Variants in CACNA1A observed in about 807,000 individuals in gnomAD.
CACNA1A encodes voltage-dependent P/Q-type calcium channel subunit alpha-1A.
Under a neutral mutation model 262.4 loss-of-function variants are expected in CACNA1A, and 57 were observed. That is an observed-to-expected ratio of 0.22 (90% confidence interval 0.18 to 0.27). The LOEUF (loss-of-function observed/expected upper bound fraction) is 0.27, where lower values mean the gene tolerates loss of function less well. Ranked by LOEUF, CACNA1A falls within the 10% of genes least tolerant of loss-of-function variation. CACNA1A has a pLI of 1.00. For missense variants in CACNA1A, 2,526 were observed against 3,562.8 expected, an observed-to-expected ratio of 0.71 and a Z score of 7.41; for synonymous variants, 1,431 against 1,419.3, an observed-to-expected ratio of 1.01 and a Z score of -0.18.
At position 13,214,330 on chromosome 19, in the gene CACNA1A, G is replaced by A. The variant is rs748279762; in HGVS notation, c.5843C>T (p.Thr1948Met). Residue 1948 changes from threonine to methionine, a missense_variant, in exon 40 of 47, where the codon ACG (threonine) becomes ATG (methionine). By Grantham distance (81) the Thr-to-Met change is moderately conservative. Coordinates refer to ENST00000360228, the MANE Select transcript of CACNA1A (RefSeq NM_001127222.2). This position sits in a 1 kb window ranked among gnomAD's most constrained non-coding sequence, Gnocchi z 4.1. ...LDLLVTPHKS[T>M]DLTVGKIYAA... ...GTAGATCTTCCCCACGGTGAGGTCC[G>A]TGGCTGGGGGCACACACACGGTGAG... 6.2e-6 allele frequency: 10 copies of A among 1,612,382 alleles called. No homozygotes were observed. Among genetic ancestry groups the A allele is most frequent in the East Asian group, 2.2e-5 (1 of 44,874 alleles).
At chr19:13,471,497 G>A (rs17777900) in intron 1 of CACNA1A, among the ~76,000 whole-genome samples, 7,598 of 152,142 alleles carry the variant, frequency 0.05, 330 homozygotes, top group East Asian at 0.2. Context: ...TTCTACTTCC[G>A]AAATTAGACT....
chr19:13,214,407 C>T lies in CACNA1A; in HGVS notation c.5840-74G>A. 1 of 1,545,946 alleles carries T rather than the reference C, an allele frequency of 6.5e-7. No individual in the cohort carries two copies. Among genetic ancestry groups the T allele is most frequent in the Middle Eastern group, 1.7e-4 (1 of 5,950 alleles). On this transcript the variant is annotated intron_variant, in intron 39 of 46. Transcript: ENST00000360228. This position sits in a 1 kb window ranked among gnomAD's most constrained non-coding sequence, Gnocchi z 4.1. ...CCCTTGTCCTGGGTCCCTGTGTATA[C>T]CAGCCCAGGCCAACACTCTCCCCAG...
chr19:13,407,615 A>T (rs1010864516), intron 3 of CACNA1A, among the ~76,000 whole-genome samples: 11 of 152,204 alleles, frequency 7.2e-5, no homozygotes, highest in Admixed American at 5.2e-4. Context: ...TGGGTGTACC[A>T]TAGTTTATCC....
chr19:13,207,890 TGC>T lies in CACNA1A; in HGVS notation c.6942_6943del (p.Gln2315AlafsTer187). 1 of 1,405,106 alleles carries T rather than the reference TGC, an allele frequency of 7.1e-7. No homozygotes were observed. The highest frequency in any genetic ancestry group is 9.4e-7 in the Non-Finnish European group (1 of 1,068,470). 87.0% of individuals were successfully genotyped at this position (1,405,106 alleles called of 1,614,324 possible). ...CTGCTGCTGCTGCTGCTGCTGCTGCTGCTGCTGCGGGGGCCCCGAGCCGCCGG... is the reference window on the plus strand; with the variant it reads ...CTGCTGCTGCTGCTGCTGCTGCTGCTTGCTGCGGGGGCCCCGAGCCGCCGG... On this transcript the variant is annotated frameshift_variant, in exon 47 of 47. Coordinates refer to ENST00000360228, the MANE Select transcript of CACNA1A (RefSeq NM_001127222.2). LOFTEE classifies it low-confidence loss of function (END_TRUNC). This position sits in a 1 kb window ranked among gnomAD's most constrained non-coding sequence, Gnocchi z 5.7.
Position 13,227,541 on chromosome 19 carries a change from A to AAAT in CACNA1A, c.5529-17_5529-15dup, listed in dbSNP as rs2055502333. 1.3e-6 allele frequency: 2 copies of AAAT among 1,520,376 alleles called. No homozygotes were observed. The highest frequency in any genetic ancestry group is 3.9e-5 in the Admixed American group (2 of 51,338). The allele number at this position is 1,520,376 out of a possible 1,614,324, so 94.2% of individuals were successfully genotyped here. ...GGCATGCGGCCCCTGGCAGCACCGA[A>AAAT]AATGAAAAAAACAAAAACAAAAACA... On this transcript the variant is annotated splice_polypyrimidine_tract_variant and intron_variant, in intron 36 of 46. Coordinates refer to ENST00000360228, the MANE Select transcript of CACNA1A (RefSeq NM_001127222.2).
chr19:13,288,431 G>A lies in CACNA1A; in HGVS notation c.3090-1465C>T, dbSNP rs1038766001. On this transcript the variant is annotated intron_variant, in intron 19 of 46. Transcript: ENST00000360228. ...GTTTTTCTATTTTCAGTAGAGACAG[G>A]GCTTCGCCATGTTGCCCAGGCTGCT... Among the ~76,000 whole-genome samples, 3 of 151,940 alleles carry A rather than the reference G, an allele frequency of 2.0e-5. No homozygotes were observed. In the South Asian group the frequency reaches 6.3e-4, roughly 32 times the overall value.
intron 3 of CACNA1A, among the ~76,000 whole-genome samples, chr19:13,430,107 G>A (rs1297580625): frequency 1.3e-5 from 2 of 151,696 alleles, no homozygotes; most frequent in Admixed American, 6.6e-5. Flanking sequence ...GATGGATGGC[G>A]GTCCTGGTTG....
intron 17 of CACNA1A, among the ~76,000 whole-genome samples, chr19:13,301,604 C>T (rs924144618): frequency 8.5e-5 from 13 of 152,178 alleles, no homozygotes; most frequent in African/African-American, 2.9e-4. Context: ...CAGAAAAAGA[C>T]GTTTTTGGAC....
At position 13,253,205 on chromosome 19, in the gene CACNA1A, A is replaced by G. The variant is rs1365755866; in HGVS notation, c.4756-104T>C. 1.0e-5 allele frequency: 7 copies of G among 671,360 alleles called. 1 individual carries two copies. In the South Asian group the frequency reaches 1.3e-4, roughly 13 times the overall value. The allele number at this position is 671,360 out of a possible 1,614,324, so 41.6% of individuals were successfully genotyped here. On this transcript the variant is annotated intron_variant, in intron 29 of 46. Transcript: ENST00000360228. ...GTTCTCCAGGCAACACTCCAGCCCC[A>G]GGCAAGGTCTGAGCAACCTCACTGG...
intron 3 of CACNA1A, among the ~76,000 whole-genome samples, chr19:13,376,125 C>A (rs1167912895): frequency 8.5e-5 from 13 of 152,144 alleles, no homozygotes; most frequent in Non-Finnish European, 1.9e-4. Context: ...TATAAAAGTG[C>A]AAGGTGAAGT....
In CACNA1A at chr19:13,208,794, A is replaced by AGCGGGACCAGCGCTGGTCCC; in HGVS notation, c.6722_6741dup (p.Ser2248GlyfsTer25). 1 of 1,536,622 alleles carries AGCGGGACCAGCGCTGGTCCC rather than the reference A, an allele frequency of 6.5e-7. No homozygotes were observed. The highest frequency in any genetic ancestry group is 2.5e-5 in the East Asian group (1 of 40,738). ...ATGTGCTCTCGGCCCTCGCTGGGCG[A>AGCGGGACCAGCGCTGGTCCC]GCGGGACCAGCGCTGGTCCCGAGCC... On this transcript the variant is annotated frameshift_variant, in exon 46 of 47. Transcript: ENST00000360228. LOFTEE classifies it low-confidence loss of function (END_TRUNC).
In CACNA1A at chr19:13,497,516, AAAAAAATATATATATATATATATATATAT is replaced by A. The variant is rs1981760743; in HGVS notation, c.293+8387_293+8415del. 5.2e-4 allele frequency among the ~76,000 whole-genome samples: 16 copies of A among 30,526 alleles called. 3 individuals carry two copies. The highest frequency in any genetic ancestry group is 2.2e-3 in the African/African-American group (16 of 7,290). 20.0% of individuals were successfully genotyped at this position (30,526 alleles called of 152,430 possible). A position where few individuals can be genotyped will look rare whatever the true frequency, so the allele number is the denominator to read the frequency against. On this transcript the variant is annotated intron_variant, in intron 1 of 46. Transcript: ENST00000360228. Reference sequence around the variant, plus strand: ...AAAAAAAAAAAAAAAAAAAAAAAAAAAAAAAATATATATATATATATATATATATATATATATATATATATATATATATA... The same window carrying A: ...AAAAAAAAAAAAAAAAAAAAAAAAAAATATATATATATATATATATATATA...
At position 13,321,670 on chromosome 19, in the gene CACNA1A, A is replaced by C. The variant is rs1336390919; in HGVS notation, c.1346-4349T>G. ...CATCATAGTATTTGTGTGTCTGAAC[A>C]TATCTAAACATAGAAAAGGTACAGT... On this transcript the variant is annotated intron_variant, in intron 10 of 46. Transcript: ENST00000360228. Among the ~76,000 whole-genome samples the C allele has an allele frequency of 2.6e-5, 4 of 151,760 alleles. No individual in the cohort carries two copies. The East Asian group carries it at 7.8e-4, about 30-fold the overall frequency.
chr19:13,369,373 G>C (rs1218549964), intron 4 of CACNA1A, among the ~76,000 whole-genome samples: 1 of 152,104 alleles, frequency 6.6e-6, no homozygotes, highest in African/African-American at 2.4e-5. Context: ...AGCTGAAATT[G>C]CGTCCCTGCT....
intron 31 of CACNA1A, among the ~76,000 whole-genome samples, chr19:13,242,201 T>C (rs1330061537): frequency 6.6e-6 from 1 of 152,162 alleles, no homozygotes; most frequent in Non-Finnish European, 1.5e-5. Flanking sequence ...ACAATAACAA[T>C]AACAACAGCA....
chr19:13,452,597 A>C (rs573872905), intron 3 of CACNA1A: 8 of 272,398 alleles, frequency 2.9e-5, no homozygotes, highest in Admixed American at 5.1e-5. Context: ...TTCCTAATTC[A>C]GTGGGTTGTT....
intron 38 of CACNA1A, among the ~76,000 whole-genome samples, chr19:13,218,239 C>T (rs1219282735): frequency 2.6e-5 from 4 of 151,924 alleles, no homozygotes; most frequent in Non-Finnish European, 4.4e-5. Flanking sequence ...TACAGCCGCC[C>T]GCCGCCACGC....
chr19:13,331,228 G>A (rs1158178468), intron 9 of CACNA1A, among the ~76,000 whole-genome samples: 2 of 152,082 alleles, frequency 1.3e-5, no homozygotes, highest in African/African-American at 2.4e-5. Context: ...TCATCACCCT[G>A]TCTAACCAGC....
chr19:13,272,309 A>T (rs1289145270), intron 24 of CACNA1A: 1 of 152,318 alleles, frequency 6.6e-6, no homozygotes, highest in East Asian at 1.9e-4. Flanking sequence ...TGCCTGCCCT[A>T]GTGCCCTGAG....
Sources: allele counts gnomAD v4.1 joint callset (sites outside exome capture counted in the v4.1 genomes callset), GRCh38; gene constraint gnomAD v4.1.1; non-coding constraint Gnocchi (gnomAD v3.1); transcripts MANE v1.5; gene names NCBI Gene and HGNC (gene_info 2026-07-23, HGNC 2026-07-21).